Variants in RCAN2 observed in about 807,000 individuals in gnomAD.
RCAN2 encodes the protein calcipressin-2.
A neutral mutation model predicts 23.6 loss-of-function variants in RCAN2; 9 were observed. The observed-to-expected ratio is 0.38, with a 90% CI of 0.23 to 0.67. The LOEUF is 0.67. RCAN2 is among the 30% of genes least tolerant of loss of function. The pLI, the probability that RCAN2 is intolerant of heterozygous loss-of-function variation, is 0.51. For missense variants in RCAN2, 273 were observed against 302.3 expected, an observed-to-expected ratio of 0.90 and a Z score of 0.72; for synonymous variants, 109 against 115.7, an observed-to-expected ratio of 0.94 and a Z score of 0.37.
intron 2 of RCAN2, among the ~76,000 whole-genome samples, chr6:46,295,421 G>A (rs1762697279): frequency 6.6e-6 from 1 of 152,118 alleles, no homozygotes; most frequent in African/African-American, 2.4e-5. Context: ...GAGAAGATGA[G>A]AATGGAGATG....
intron 2 of RCAN2, chr6:46,325,470 GGGCTGGCATTCCCCCT>G: frequency 6.2e-7 from 1 of 1,614,054 alleles, no homozygotes; most frequent in Non-Finnish European, 8.5e-7. Context: ...TCCATGCTAG[GGGCTGGCATTCCCCCT>G]TCTGAATTTT....
At chr6:46,389,295 G>A (rs1765859681) in intron 2 of RCAN2, among the ~76,000 whole-genome samples, 1 of 152,240 alleles carries the variant, frequency 6.6e-6, no homozygotes, top group South Asian at 2.1e-4. Context: ...GCAGCTACCT[G>A]CACTCACTCA....
intron 2 of RCAN2, among the ~76,000 whole-genome samples, chr6:46,330,577 T>G (rs1763935544): frequency 6.6e-6 from 1 of 152,180 alleles, no homozygotes; most frequent in Non-Finnish European, 1.5e-5. Flanking sequence ...TTCAAATTTC[T>G]CCAGCTGTAC....
intron 1 of RCAN2, among the ~76,000 whole-genome samples, chr6:46,482,132 C>A (rs965591213): frequency 2.0e-5 from 3 of 151,946 alleles, no homozygotes; most frequent in Non-Finnish European, 4.4e-5. Flanking sequence ...AGATTATGAA[C>A]CATTTCTAGA....
At chr6:46,453,508 T>C (rs1004272449) in intron 2 of RCAN2, among the ~76,000 whole-genome samples, 1 of 152,214 alleles carries the variant, frequency 6.6e-6, no homozygotes, top group African/African-American at 2.4e-5. Flanking sequence ...TTTTTTAACA[T>C]GTGCTTTAGG....
At chr6:46,464,826 A>G (rs1248860314) in intron 1 of RCAN2, among the ~76,000 whole-genome samples, 1 of 151,938 alleles carries the variant, frequency 6.6e-6, no homozygotes, top group African/African-American at 2.4e-5. Context: ...TTCTGGAGCC[A>G]CTGTTCCACC....
At chr6:46,408,390 G>A (rs570920433) in intron 2 of RCAN2, among the ~76,000 whole-genome samples, 1 of 152,294 alleles carries the variant, frequency 6.6e-6, no homozygotes, top group East Asian at 1.9e-4. Flanking sequence ...TCCTGCTTTG[G>A]ATGCCGGGGA....
intron 2 of RCAN2, among the ~76,000 whole-genome samples, chr6:46,249,100 G>T (rs1766620307): frequency 6.6e-6 from 1 of 151,652 alleles, no homozygotes; most frequent in African/African-American, 2.4e-5. Context: ...TTGGTCCAAG[G>T]TTCTCTAGAG....
intron 2 of RCAN2, among the ~76,000 whole-genome samples, chr6:46,454,932 G>A (rs1015107952): frequency 2.6e-5 from 4 of 152,136 alleles, no homozygotes; most frequent in African/African-American, 9.7e-5. Flanking sequence ...TGCTAAATGA[G>A]ATTAGCACCT....
At chr6:46,348,616 G>C (rs151165628) in intron 2 of RCAN2, among the ~76,000 whole-genome samples, 1 of 152,084 alleles carries the variant, frequency 6.6e-6, no homozygotes, top group Admixed American at 6.5e-5. Context: ...CCCACTGCTT[G>C]GTGAACTTTG....
chr6:46,304,447 C>G (rs1159648093), intron 2 of RCAN2, among the ~76,000 whole-genome samples: 1 of 152,078 alleles, frequency 6.6e-6, no homozygotes, highest in African/African-American at 2.4e-5. Context: ...ATTTATCCAT[C>G]TTTCTATTCT....
At chr6:46,483,850 C>A (rs1473047356) in intron 1 of RCAN2, among the ~76,000 whole-genome samples, 1 of 152,154 alleles carries the variant, frequency 6.6e-6, no homozygotes, top group Non-Finnish European at 1.5e-5. Context: ...CAAAAGTAAC[C>A]TATTCACGAA....
intron 2 of RCAN2, among the ~76,000 whole-genome samples, chr6:46,402,925 G>T (rs1561891123): frequency 6.6e-6 from 1 of 151,854 alleles, no homozygotes; most frequent in Non-Finnish European, 1.5e-5. Context: ...CAAGCCCTTG[G>T]CCCCTACAAC....
At chr6:46,325,785 A>G (rs1369372975) in intron 2 of RCAN2, 1 of 1,111,894 alleles carries the variant, frequency 9.0e-7, no homozygotes, top group Non-Finnish European at 1.1e-6. Flanking sequence ...GAGCAAATTG[A>G]ACATGATTAT....
At chr6:46,305,503 T>C (rs534181589) in intron 2 of RCAN2, among the ~76,000 whole-genome samples, 1 of 152,070 alleles carries the variant, frequency 6.6e-6, no homozygotes, top group African/African-American at 2.4e-5. Context: ...TCTCAGACTC[T>C]GCTAGACAGT....
intron 2 of RCAN2, among the ~76,000 whole-genome samples, chr6:46,418,037 A>G (rs1366498082): frequency 6.6e-6 from 1 of 152,154 alleles, no homozygotes; most frequent in Admixed American, 6.5e-5. Flanking sequence ...CACAAATCCC[A>G]CCTTTGTTTT....
chr6:46,284,090 AT>A (rs960064201), intron 2 of RCAN2, among the ~76,000 whole-genome samples: 8 of 151,826 alleles, frequency 5.3e-5, no homozygotes, highest in East Asian at 1.9e-4. Flanking sequence ...ATACTTGATA[AT>A]TTTTTTTTAA....
In RCAN2 at chr6:46,293,089, G is replaced by A. The variant is rs149501844; in HGVS notation, c.226-44193C>T. Among the ~76,000 whole-genome samples the A allele has an allele frequency of 2.9e-4, 44 of 152,302 alleles. No homozygotes were observed. In the East Asian group the frequency reaches 7.9e-3, roughly 27 times the overall value. Reference sequence around the variant, plus strand: ...TAATGGTTGTATAGTATTCCATGGTGTATGTGTACCACATTTTCTTTATCC... The same window carrying A: ...TAATGGTTGTATAGTATTCCATGGTATATGTGTACCACATTTTCTTTATCC... On this transcript the variant is annotated intron_variant, in intron 2 of 4. Coordinates refer to ENST00000371374, the MANE Select transcript of RCAN2 (RefSeq NM_001251974.2).
intron 2 of RCAN2, among the ~76,000 whole-genome samples, chr6:46,325,045 C>T (rs1763745709): frequency 6.6e-6 from 1 of 152,230 alleles, no homozygotes; most frequent in African/African-American, 2.4e-5. Context: ...TTCATGTAAT[C>T]ATTGATTCAA....
Sources: allele counts gnomAD v4.1 joint callset (sites outside exome capture counted in the v4.1 genomes callset), GRCh38; gene constraint gnomAD v4.1.1; transcripts MANE v1.5; gene names NCBI Gene and HGNC (gene_info 2026-07-23, HGNC 2026-07-21).